Variants in INTS1 observed in about 807,000 individuals in gnomAD.
INTS1 encodes integrator complex subunit 1.
INTS1 carries 137 observed loss-of-function variants against 241.6 expected under a neutral mutation model. The ratio of observed to expected loss-of-function variants is 0.57; its 90% CI spans 0.49 to 0.65. The LOEUF (loss-of-function observed/expected upper bound fraction) is 0.65. Among genes scored for constraint, INTS1 ranks in the 30% least tolerant of loss-of-function variants. The pLI, the probability that INTS1 is intolerant of heterozygous loss-of-function variation, is 0.00. For synonymous variants in INTS1, 1,692 were observed against 1,337.8 expected (o/e 1.26, Z -5.78); for missense variants, 3,073 against 3,032.2 (o/e 1.01, Z -0.32).
intron 19 of INTS1, 146 bp downstream of exon 19, chr7:1,487,614 G>T (rs1782335214): frequency 7.9e-7 from 1 of 1,267,552 alleles, no homozygotes; most frequent in Admixed American, 2.0e-5. Flanking sequence ...AGTAAGCCAG[G>T]GACGCGGGGA....
intron 29 of INTS1, 117 bp from the exon 30 acceptor site, chr7:1,480,558 C>T: frequency 8.5e-7 from 1 of 1,178,010 alleles, no homozygotes; most frequent in Non-Finnish European, 1.2e-6. Context: ...AGGAAGAGCT[C>T]AGACCTGGGC....
At chr7:1,483,420 G>A (rs1168894967) in intron 26 of INTS1, 3 of 428,924 alleles carry the variant, frequency 7.0e-6, no homozygotes, top group Middle Eastern at 6.8e-4. Context: ...CGAGTTTGCC[G>A]CCTCCCAGGC....
In INTS1 at chr7:1,479,479, C is replaced by T. The variant is rs373326766; in HGVS notation, c.4280G>A (p.Arg1427His). The T allele has an allele frequency of 5.5e-5, 86 of 1,577,652 alleles. No individual in the cohort carries two copies. Among genetic ancestry groups the T allele is most frequent in the Admixed American group, 1.1e-4 (6 of 55,424 alleles). ...HGGALVMSMH[R>H]SHFLACPLLR... ...CAGCGGGCAGGCCAGGAAGTGGCTA[C>T]GGTGCATGGACATCACCAGGGCACC... Residue 1427 changes from arginine to histidine, a missense_variant, in exon 31 of 48, where the codon CGT becomes CAT. Transcript: ENST00000404767.
intron 41 of INTS1, 72 bp from the exon 42 acceptor site, chr7:1,473,765 G>A (rs1781584757): frequency 1.9e-6 from 3 of 1,578,684 alleles, no homozygotes; most frequent in Non-Finnish European, 1.7e-6. Flanking sequence ...GCTCCCATCT[G>A]CTCCCAGAGC....
Position 1,478,900 on chromosome 7 carries a change from T to C in INTS1, c.4330-15A>G. ...GGCACACAGCGCTGCGGGGACAAAG[T>C]GGCACGTGGCTACCCTGGCAGAGGA... On this transcript the variant is annotated splice_polypyrimidine_tract_variant and intron_variant, in intron 31 of 47. Coordinates refer to ENST00000404767, the MANE Select transcript of INTS1 (RefSeq NM_001080453.3). 2 of 1,587,582 alleles carry C rather than the reference T, an allele frequency of 1.3e-6. No individual in the cohort carries two copies. The highest frequency in any genetic ancestry group is 2.2e-5 in the South Asian group (2 of 89,908).
chr7:1,492,349 T>C (rs527524316), intron 16 of INTS1, among the ~76,000 whole-genome samples: 3 of 152,106 alleles, frequency 2.0e-5, no homozygotes, highest in Non-Finnish European at 2.9e-5. Flanking sequence ...CACAAGATCA[T>C]GCACTGTAGG....
At position 1,483,626 on chromosome 7, in the gene INTS1, G is replaced by A. The variant is rs183161261; in HGVS notation, c.3541+116C>T. 418 of 782,372 alleles carry A rather than the reference G, an allele frequency of 5.3e-4. 1 individual carries two copies. In the East Asian group the frequency reaches 8.3e-3, roughly 16 times the overall value. 48.5% of individuals were successfully genotyped at this position (782,372 alleles called of 1,614,324 possible). On this transcript the variant is annotated intron_variant, in intron 26 of 47. Transcript: ENST00000404767. ...AGAGAAGCCAGGACACAGGGTTGAA[G>A]GGCTGGGGGGCTTCCCGCCCAGAAG...
chr7:1,477,339 T>C (rs543308688), intron 35 of INTS1, among the ~76,000 whole-genome samples: 1 of 150,132 alleles, frequency 6.7e-6, no homozygotes, highest in African/African-American at 2.4e-5. Flanking sequence ...ACAGTGCTGG[T>C]CCACAGGTGA....
rs1782935161 is a variant in INTS1 at position 1,497,819 on chromosome 7, G to T, written c.1426-505C>A. On this transcript the variant is annotated intron_variant, in intron 10 of 47. Coordinates refer to ENST00000404767, the MANE Select transcript of INTS1 (RefSeq NM_001080453.3). This position sits in a 1 kb window ranked among gnomAD's most constrained non-coding sequence, Gnocchi z 5.3. ...GAGGCCTAATGCGCTGGTGGCGATG[G>T]GAGCATCTCCCGAGCCCGCTTCAAA... 6.6e-6 allele frequency among the ~76,000 whole-genome samples: 1 copy of T among 152,238 alleles called. No individual in the cohort carries two copies. The highest frequency in any genetic ancestry group is 1.5e-5 in the Non-Finnish European group (1 of 68,034).
chr7:1,473,279 C>T (rs1468190157), intron 42 of INTS1, 95 bp from the exon 43 acceptor site: 1 of 823,960 alleles, frequency 1.2e-6, no homozygotes, highest in Non-Finnish European at 2.0e-6. Flanking sequence ...AGCGTGTGGA[C>T]ACAGGCATGC....
At position 1,476,262 on chromosome 7, in the gene INTS1, T is replaced by C. The variant is rs771259065; in HGVS notation, c.5345A>G (p.His1782Arg). ...DDESVRKVTE[H>R]LSGCIQQWGD... ...CCACTGCTGGATGCAGCCTGACAGG[T>C]GCTCCGTCACCTTCCTGACACTCTC... Residue 1782 changes from histidine to arginine, a missense_variant, in exon 38 of 48, where the codon CAC becomes CGC. By Grantham distance (29) the His-to-Arg change is conservative. Transcript: ENST00000404767. The C allele has an allele frequency of 6.4e-7, 1 of 1,569,558 alleles. No individual in the cohort carries two copies. The highest frequency in any genetic ancestry group is 8.6e-7 in the Non-Finnish European group (1 of 1,159,000).
At chr7:1,480,601 A>G (rs1781946471) in intron 29 of INTS1, among the ~76,000 whole-genome samples, 160 bp from the exon 30 acceptor site, 1 of 152,196 alleles carries the variant, frequency 6.6e-6, no homozygotes, top group Non-Finnish European at 1.5e-5. Flanking sequence ...GGTCTCGCTC[A>G]GGTCCACAGG....
At chr7:1,483,667 G>A in intron 26 of INTS1, 75 bp downstream of exon 26, 1 of 1,150,058 alleles carries the variant, frequency 8.7e-7, no homozygotes, top group Non-Finnish European at 1.3e-6. Flanking sequence ...CAAGGATGCG[G>A]AAGCCGCTGG....
In INTS1 at chr7:1,500,293, C is replaced by G. The variant is rs2128544972; in HGVS notation, c.423G>C (p.Val141=). 1.9e-6 allele frequency: 3 copies of G among 1,594,872 alleles called. No homozygotes were observed. Among genetic ancestry groups the G allele is most frequent in the Non-Finnish European group, 2.6e-6 (3 of 1,169,864 alleles). The change falls in exon 4 of 48, where the codon GTG becomes GTC. Residue 141 remains valine, a synonymous_variant. Coordinates refer to ENST00000404767, the MANE Select transcript of INTS1 (RefSeq NM_001080453.3). ...TCAGCTGCTTCACGGCCCCGCACAG[C>G]ACGCCCTCGATCCTGTCATCGTTGC... ...LEGNDDRIEG[V]LCGAVKQLKV... is the part of the protein sequence containing the mutation.
chr7:1,499,713 C>T, intron 5 of INTS1, 81 bp from the exon 6 acceptor site: 1 of 1,506,000 alleles, frequency 6.6e-7, no homozygotes, highest in Non-Finnish European at 8.9e-7. Context: ...TGCCCGGGGA[C>T]TGGGTGCCCA....
chr7:1,478,376 C>T lies in INTS1; in HGVS notation c.4620G>A (p.Leu1540=). Residue 1540 remains leucine, a synonymous_variant, in exon 33 of 48, where the codon CTG becomes CTA. Transcript: ENST00000404767. ...SGEQCSVEPD[L]ISKVLQGLIE... ...GTGCCAGGAAGGTACCTTTGCTGAT[C>T]AGGTCCGGCTCCACGCTGCACTGCT... 1 of 1,612,410 alleles carries T rather than the reference C, an allele frequency of 6.2e-7. No homozygotes were observed. Among genetic ancestry groups the T allele is most frequent in the Non-Finnish European group, 8.5e-7 (1 of 1,179,546 alleles).
chr7:1,491,778 G>T (rs1250257368), intron 16 of INTS1, among the ~76,000 whole-genome samples: 1 of 152,126 alleles, frequency 6.6e-6, no homozygotes, highest in Non-Finnish European at 1.5e-5. Flanking sequence ...CGTGCCTATA[G>T]TCCCAGCTAC....
At chr7:1,475,636 T>C (rs1315834775) in intron 39 of INTS1, among the ~76,000 whole-genome samples, 1 of 152,098 alleles carries the variant, frequency 6.6e-6, no homozygotes, top group African/African-American at 2.4e-5. Flanking sequence ...CAGCTGTCAC[T>C]GCCCCAAACT....
intron 42 of INTS1, 115 bp downstream of exon 42, chr7:1,473,451 C>G: frequency 7.5e-7 from 1 of 1,327,366 alleles, no homozygotes; most frequent in Non-Finnish European, 1.0e-6. Flanking sequence ...AGCAGCCCTC[C>G]CCGGCCTCAG....
Sources: allele counts gnomAD v4.1 joint callset (sites outside exome capture counted in the v4.1 genomes callset), GRCh38; gene constraint gnomAD v4.1.1; non-coding constraint Gnocchi (gnomAD v3.1); transcripts MANE v1.5; gene names NCBI Gene and HGNC (gene_info 2026-07-23, HGNC 2026-07-21).